RCSD1: variants seen among roughly 807,000 people sequenced by gnomAD.
RCSD1 encodes capZ-interacting protein.
Under a neutral mutation model 42.5 loss-of-function variants are expected in RCSD1, and 26 were observed. The observed-to-expected ratio is 0.61, with a 90% confidence interval of 0.45 to 0.85. The LOEUF (loss-of-function observed/expected upper bound fraction) is 0.85, where lower values mean the gene tolerates loss of function less well. RCSD1 is among the 40% of genes least tolerant of loss of function. RCSD1 has a pLI of 0.00. For missense variants in RCSD1, 571 were observed against 528.3 expected (o/e 1.08, Z -0.79); for synonymous variants, 220 against 212.2 (o/e 1.04, Z -0.32).
In RCSD1 at chr1:167,689,439, G is replaced by A. The variant is rs12046809; in HGVS notation, c.199-610G>A. Among the ~76,000 whole-genome samples the A allele has an allele frequency of 6.8e-5, 10 of 146,934 alleles. No homozygotes were observed. The East Asian group carries it at 1.4e-3, about 20-fold the overall frequency. On this transcript the variant is annotated intron_variant, in intron 3 of 6. Transcript: ENST00000367854. ...GAAGGTTGCAGTGAGCCGAGATTGC[G>A]CCATTGCACTCCAGATTGAGGAACA...
At chr1:167,704,323 C>T (rs1453670377) in intron 6 of RCSD1, among the ~76,000 whole-genome samples, 1 of 152,020 alleles carries the variant, frequency 6.6e-6, no homozygotes, top group Non-Finnish European at 1.5e-5. Context: ...TGGGCAGGGT[C>T]ACTTAGTACT....
intron 1 of RCSD1, among the ~76,000 whole-genome samples, chr1:167,650,883 A>G (rs1658284495): frequency 6.6e-6 from 1 of 152,222 alleles, no homozygotes; most frequent in East Asian, 1.9e-4. Context: ...TTAGTTCGGT[A>G]GCGCTGCTGT....
At chr1:167,658,288 T>A (rs1186837212) in intron 1 of RCSD1, among the ~76,000 whole-genome samples, 1 of 152,254 alleles carries the variant, frequency 6.6e-6, no homozygotes, top group Non-Finnish European at 1.5e-5. Context: ...TGAGCATATG[T>A]GTACATAGAG....
intron 1 of RCSD1, among the ~76,000 whole-genome samples, chr1:167,652,346 G>A (rs1242817583): frequency 6.6e-6 from 1 of 152,004 alleles, no homozygotes; most frequent in Non-Finnish European, 1.5e-5. Context: ...ATTCCTCCTG[G>A]AGCCATGATT....
chr1:167,647,193 C>A (rs1346937227), intron 1 of RCSD1, among the ~76,000 whole-genome samples: 1 of 150,758 alleles, frequency 6.6e-6, no homozygotes, highest in East Asian at 2.0e-4. Context: ...AGGCACATGT[C>A]TTTAAGTGCT....
intron 1 of RCSD1, chr1:167,664,858 G>A (rs1210076987): frequency 1.3e-5 from 2 of 152,220 alleles, no homozygotes; most frequent in African/African-American, 4.8e-5. Context: ...GGACCAACCT[G>A]GAGAAACCTT....
At chr1:167,647,455 G>T (rs568638861) in intron 1 of RCSD1, among the ~76,000 whole-genome samples, 9 of 152,060 alleles carry the variant, frequency 5.9e-5, no homozygotes, top group African/African-American at 2.2e-4. Flanking sequence ...GTGCATGGTG[G>T]TCTACCTGTA....
At chr1:167,657,781 T>C (rs1481098697) in intron 1 of RCSD1, among the ~76,000 whole-genome samples, 1 of 151,914 alleles carries the variant, frequency 6.6e-6, no homozygotes, top group African/African-American at 2.4e-5. Context: ...AGCATTAAAA[T>C]TTTTTTTCTT....
chr1:167,688,038 A>G (rs969794188), intron 3 of RCSD1, among the ~76,000 whole-genome samples: 1 of 152,190 alleles, frequency 6.6e-6, no homozygotes, highest in Non-Finnish European at 1.5e-5. Flanking sequence ...GTTTTTCTCC[A>G]CCGGATTGTT....
chr1:167,684,675 G>A (rs778934745), intron 2 of RCSD1, among the ~76,000 whole-genome samples: 9 of 152,138 alleles, frequency 5.9e-5, no homozygotes, highest in Non-Finnish European at 8.8e-5. Flanking sequence ...GGGAGTTCGC[G>A]ACCAGCCTGA....
chr1:167,656,286 AG>A (rs1215608621), intron 1 of RCSD1, among the ~76,000 whole-genome samples: 2 of 152,188 alleles, frequency 1.3e-5, no homozygotes, highest in African/African-American at 4.8e-5. Context: ...TTCAGTGAGG[AG>A]GTAATGATAC....
At chr1:167,689,470 G>A (rs1405441139) in intron 3 of RCSD1, among the ~76,000 whole-genome samples, 2 of 141,682 alleles carry the variant, frequency 1.4e-5, no homozygotes, top group Non-Finnish European at 3.0e-5. Flanking sequence ...GAACAAGCAG[G>A]ACTCTGTCTC....
intron 1 of RCSD1, among the ~76,000 whole-genome samples, chr1:167,651,844 C>T (rs1387136595): frequency 6.6e-6 from 1 of 152,074 alleles, no homozygotes; most frequent in African/African-American, 2.4e-5. Flanking sequence ...CCCCGCTGTT[C>T]TTGAGGGGGG....
intron 1 of RCSD1, among the ~76,000 whole-genome samples, chr1:167,651,594 T>A (rs1451453755): frequency 6.6e-6 from 1 of 152,208 alleles, no homozygotes; most frequent in Non-Finnish European, 1.5e-5. Context: ...TGTGACCAGG[T>A]GTCTTCCTGC....
Position 167,630,276 on chromosome 1 carries a change from C to A in RCSD1, c.-148C>A. ...CGGCCGGGGCAGTCCCGCAGCCGAG[C>A]GCAGCCGGGCGCGCGCCACCGCCCA... On this transcript the variant is annotated 5_prime_UTR_variant, in exon 1 of 7. Coordinates refer to ENST00000367854, the MANE Select transcript of RCSD1 (RefSeq NM_052862.4). The A allele has an allele frequency of 1.2e-6, 1 of 835,278 alleles. No individual in the cohort carries two copies. 51.7% of individuals were successfully genotyped at this position (835,278 alleles called of 1,614,324 possible).
intron 1 of RCSD1, among the ~76,000 whole-genome samples, chr1:167,678,934 T>C (rs2102227941): frequency 6.6e-6 from 1 of 152,374 alleles, no homozygotes. Context: ...TCTTCAGAGA[T>C]GTCTTCCCAC....
intron 4 of RCSD1, among the ~76,000 whole-genome samples, chr1:167,693,151 C>T (rs74120634): frequency 0.028 from 4,190 of 152,292 alleles, 75 homozygotes; most frequent in African/African-American, 0.046. Context: ...CCTCACACTC[C>T]ATCCCTTCTC....
chr1:167,641,908 G>T (rs1658015095), intron 1 of RCSD1: 1 of 152,172 alleles, frequency 6.6e-6, no homozygotes, highest in Admixed American at 6.6e-5. Context: ...AATCTTAGTG[G>T]CTGAAAACAA....
rs1377296488 is a variant in RCSD1 at position 167,706,808 on chromosome 1, C to T, written c.*2112C>T. Reference sequence around the variant, plus strand: ...GGTGCTGCAGCCCCACTGCTTAAAACTCTCCTTTCTCAAAGCAACCATGAT... The same window carrying T: ...GGTGCTGCAGCCCCACTGCTTAAAATTCTCCTTTCTCAAAGCAACCATGAT... On this transcript the variant is annotated 3_prime_UTR_variant, in exon 7 of 7. Transcript: ENST00000367854. 1.3e-5 allele frequency among the ~76,000 whole-genome samples: 2 copies of T among 152,142 alleles called. No homozygotes were observed. Among genetic ancestry groups the T allele is most frequent in the Non-Finnish European group, 2.9e-5 (2 of 68,018 alleles).
Sources: gnomAD v4.1 joint callset for allele counts (sites outside exome capture counted in the v4.1 genomes callset) on GRCh38, gnomAD v4.1.1 for gene constraint, MANE v1.5 for transcripts, NCBI Gene and HGNC (gene_info 2026-07-23, HGNC 2026-07-21) for gene names.